The following RASA3 variants were observed in gnomAD, a reference collection of about 807,000 sequenced individuals.
RASA3 encodes the protein RAS p21 protein activator 3.
Under a neutral mutation model 110.0 loss-of-function variants are expected in RASA3, and 73 were observed. That is an observed-to-expected ratio of 0.66 (90% CI 0.55 to 0.81). The LOEUF (loss-of-function observed/expected upper bound fraction) is 0.81, where lower values mean the gene tolerates loss of function less well. RASA3 is among the 30% of genes least tolerant of loss of function. The pLI is 0.00. For missense variants in RASA3, 976 were observed against 1,113.2 expected, an observed-to-expected ratio of 0.88 and a Z score of 1.75; for synonymous variants, 500 against 451.4, an observed-to-expected ratio of 1.11 and a Z score of -1.37.
rs1438051631 is a variant in RASA3, at chr13:114,011,451, A to AG, written c.1513-204dup. 2.0e-5 allele frequency among the ~76,000 whole-genome samples: 3 copies of AG among 152,114 alleles called. No individual in the cohort carries two copies. Among genetic ancestry groups the AG allele is most frequent in the Non-Finnish European group, 2.9e-5 (2 of 68,014 alleles). ...TCAGGAGCTGCTGAGACCATCCCGCAGGCAACATCCGACGGCACCGCGGTG... is the reference window on the plus strand; with the variant it reads ...TCAGGAGCTGCTGAGACCATCCCGCAGGGCAACATCCGACGGCACCGCGGTG... On this transcript the variant is annotated intron_variant, in intron 15 of 23. Transcript: ENST00000334062. This position sits in a 1 kb window ranked among gnomAD's most constrained non-coding sequence, Gnocchi z 4.8.
At position 113,979,266 on chromosome 13, in the gene RASA3, C is replaced by G; in HGVS notation, c.*81G>C. On this transcript the variant is annotated 3_prime_UTR_variant, in exon 24 of 24. Coordinates refer to ENST00000334062, the MANE Select transcript of RASA3 (RefSeq NM_007368.4). ...TGCATCTCACTTTGCCGGCTCTGCG[C>G]TCTTCCTTCTCTTCTCCCTCCCAAA... 1 of 1,354,062 alleles carries G rather than the reference C, an allele frequency of 7.4e-7. No individual in the cohort carries two copies. The highest frequency in any genetic ancestry group is 1.2e-5 in the South Asian group (1 of 85,840). 83.9% of individuals were successfully genotyped at this position (1,354,062 alleles called of 1,614,324 possible).
rs1444923038 is a variant in RASA3, at chr13:113,995,955, G to A, written c.2141+576C>T. Among the ~76,000 whole-genome samples, 2 of 75,524 alleles carry A rather than the reference G, an allele frequency of 2.6e-5. 1 individual carries two copies. Among genetic ancestry groups the A allele is most frequent in the Non-Finnish European group, 4.9e-5 (2 of 40,852 alleles). 49.5% of individuals were successfully genotyped at this position (75,524 alleles called of 152,430 possible). ...AATGGGGGGGCCCGGCTAATGGGGG[G>A]CCCGGCTGATGGGGGACCCGGCTGA... On this transcript the variant is annotated intron_variant, in intron 21 of 23. Coordinates refer to ENST00000334062, the MANE Select transcript of RASA3 (RefSeq NM_007368.4).
chr13:114,049,872 C>G (rs555045082), intron 3 of RASA3, among the ~76,000 whole-genome samples: 1 of 152,234 alleles, frequency 6.6e-6, no homozygotes, highest in Non-Finnish European at 1.5e-5. Flanking sequence ...GCAAGAGAAC[C>G]ACAACCAACG....
chr13:114,097,122 T>TC (rs1458815579), intron 1 of RASA3, among the ~76,000 whole-genome samples: 1 of 152,108 alleles, frequency 6.6e-6, no homozygotes, highest in African/African-American at 2.4e-5. Flanking sequence ...TGTGCACACA[T>TC]CCCCTCCTGA....
chr13:114,027,384 C>A lies in RASA3; in HGVS notation c.603+5G>T. ...CACTTAACGTTGACCCATGAAGATA[C>A]CAACCTCAAAATAAAACACTTCATC... On this transcript the variant is annotated splice_donor_5th_base_variant and intron_variant, in intron 7 of 23. Transcript: ENST00000334062. 2.5e-6 allele frequency: 4 copies of A among 1,606,112 alleles called. No homozygotes were observed. Among genetic ancestry groups the A allele is most frequent in the Non-Finnish European group, 3.4e-6 (4 of 1,172,906 alleles).
chr13:114,123,340 TGAAAA>T (rs1356207025), intron 1 of RASA3, among the ~76,000 whole-genome samples: 3 of 152,144 alleles, frequency 2.0e-5, no homozygotes, highest in Admixed American at 2.0e-4. Context: ...TCTCCAGAGC[TGAAAA>T]GAAGAGTGAA....
intron 1 of RASA3, among the ~76,000 whole-genome samples, chr13:114,124,941 C>A (rs750515916): frequency 4.6e-5 from 7 of 152,332 alleles, no homozygotes; most frequent in Admixed American, 6.5e-5. Context: ...CTTGCTGCTA[C>A]GGAAGGCCTT....
intron 1 of RASA3, among the ~76,000 whole-genome samples, chr13:114,082,806 C>A (rs922093169): frequency 2.0e-5 from 3 of 152,224 alleles, no homozygotes; most frequent in African/African-American, 7.2e-5. Flanking sequence ...GGGAAAAATG[C>A]ATGCACGAGC....
chr13:114,058,198 A>T (rs1402126874), intron 2 of RASA3, among the ~76,000 whole-genome samples: 1 of 151,628 alleles, frequency 6.6e-6, no homozygotes, highest in African/African-American at 2.4e-5. Flanking sequence ...CACCAGAGTG[A>T]CATCCCCCCA....
chr13:114,089,122 C>T (rs1025342277), intron 1 of RASA3, among the ~76,000 whole-genome samples: 1 of 152,014 alleles, frequency 6.6e-6, no homozygotes, highest in Non-Finnish European at 1.5e-5. Flanking sequence ...GCCTTCTGCT[C>T]CTTCGCTCCT....
chr13:114,016,316 G>A, intron 12 of RASA3, 45 bp from the exon 13 acceptor site: 7 of 1,416,372 alleles, frequency 4.9e-6, no homozygotes, highest in Non-Finnish European at 7.0e-6. Context: ...GGTTCTGGGG[G>A]CACAGGCAGG....
chr13:114,102,866 A>G lies in RASA3; in HGVS notation c.56-29029T>C, dbSNP rs576485036. Among the ~76,000 whole-genome samples the G allele has an allele frequency of 2.0e-5, 3 of 152,300 alleles. No homozygotes were observed. The South Asian group carries it at 6.2e-4, about 32-fold the overall frequency. ...GACGGGAAGACCAAGTCGTCTGTAT[A>G]ATCGCCGTGGGCGCAGCCGGCAGTG... On this transcript the variant is annotated intron_variant, in intron 1 of 23. Transcript: ENST00000334062.
intron 2 of RASA3, among the ~76,000 whole-genome samples, chr13:114,072,553 ACT>A (rs886677190): frequency 6.6e-6 from 1 of 152,094 alleles, no homozygotes; most frequent in Non-Finnish European, 1.5e-5. Context: ...CTTAATTTGT[ACT>A]CTTTTGTGGA....
chr13:114,100,576 C>CT (rs1162278743), intron 1 of RASA3, among the ~76,000 whole-genome samples: 1 of 152,240 alleles, frequency 6.6e-6, no homozygotes, highest in Admixed American at 6.5e-5. Context: ...ACCTCCAAGA[C>CT]AAGTGCAGCA....
chr13:114,013,071 G>T, intron 15 of RASA3, 71 bp downstream of exon 15: 1 of 1,341,534 alleles, frequency 7.5e-7, no homozygotes, highest in Non-Finnish European at 1.0e-6. Flanking sequence ...CTACAGCCAC[G>T]CAGATGCCCC....
intron 1 of RASA3, among the ~76,000 whole-genome samples, chr13:114,128,238 G>A (rs959594953): frequency 1.3e-5 from 2 of 152,242 alleles, no homozygotes; most frequent in Non-Finnish European, 2.9e-5. Context: ...CCACGGCGTG[G>A]CCAGTATCCC....
At chr13:114,054,185 A>G (rs2079198714) in intron 2 of RASA3, among the ~76,000 whole-genome samples, 1 of 152,238 alleles carries the variant, frequency 6.6e-6, no homozygotes, top group South Asian at 2.1e-4. Flanking sequence ...AAAAAATATT[A>G]GTAAGTCAGT....
At position 114,078,060 on chromosome 13, in the gene RASA3, C is replaced by T. The variant is rs1252720861; in HGVS notation, c.56-4223G>A. 6.5e-6 allele frequency: 6 copies of T among 930,164 alleles called. No individual in the cohort carries two copies. The African/African-American group carries it at 1.1e-4, about 17-fold the overall frequency. 57.6% of individuals were successfully genotyped at this position (930,164 alleles called of 1,614,324 possible). ...GACGACAGCAACACCAGGGAGCCTG[C>T]TGGACGCACCAACATCCAATGAGCT... On this transcript the variant is annotated intron_variant, in intron 1 of 23. Coordinates refer to ENST00000334062, the MANE Select transcript of RASA3 (RefSeq NM_007368.4).
chr13:114,012,686 A>C (rs2053664053), intron 15 of RASA3, among the ~76,000 whole-genome samples: 1 of 67,160 alleles, frequency 1.5e-5, no homozygotes, highest in South Asian at 4.3e-4. Context: ...CTGTCCACGC[A>C]CTCCACACAC....
Sources: gnomAD v4.1 joint callset for allele counts (sites outside exome capture counted in the v4.1 genomes callset) on GRCh38, gnomAD v4.1.1 for gene constraint, Gnocchi (gnomAD v3.1) non-coding constraint, MANE v1.5 for transcripts, NCBI Gene and HGNC (gene_info 2026-07-23, HGNC 2026-07-21) for gene names.